Variants in SETD2 observed in about 807,000 individuals in gnomAD.
SETD2 encodes histone-lysine N-methyltransferase SETD2.
Under a neutral mutation model 242.1 loss-of-function variants are expected in SETD2, and 31 were observed. The observed-to-expected ratio is 0.13, with a 90% CI of 0.10 to 0.17. The LOEUF (loss-of-function observed/expected upper bound fraction) is 0.17. Among genes scored for constraint, SETD2 ranks in the 10% least tolerant of loss-of-function variants. The pLI, the probability that SETD2 is intolerant of heterozygous loss-of-function variation, is 1.00. For synonymous variants in SETD2, 1,006 were observed against 1,066.5 expected (o/e 0.94, Z 1.11); for missense variants, 2,481 against 3,046.3 (o/e 0.81, Z 4.37).
intron 18 of SETD2, among the ~76,000 whole-genome samples, chr3:47,030,368 AC>A (rs2107515717): frequency 6.6e-6 from 1 of 152,280 alleles, no homozygotes; most frequent in South Asian, 2.1e-4. Flanking sequence ...ATAGAGGCCA[AC>A]AGAAACCACG....
At chr3:47,149,471 T>C (rs756832784) in intron 1 of SETD2, among the ~76,000 whole-genome samples, 1 of 152,158 alleles carries the variant, frequency 6.6e-6, no homozygotes, top group Non-Finnish European at 1.5e-5. Context: ...ACACCTCTTA[T>C]AGCACTCAGC....
At chr3:47,054,880 T>TAC (rs969346830) in intron 15 of SETD2, among the ~76,000 whole-genome samples, 1 of 152,166 alleles carries the variant, frequency 6.6e-6, no homozygotes, top group Non-Finnish European at 1.5e-5. Context: ...TATGTATATG[T>TAC]ACACACACAC....
chr3:47,132,780 C>T (rs926346092), intron 1 of SETD2, among the ~76,000 whole-genome samples: 1 of 152,146 alleles, frequency 6.6e-6, no homozygotes, highest in Non-Finnish European at 1.5e-5. Context: ...GTGTTTCTTA[C>T]ACTTGAGTGT....
chr3:47,041,245 T>C, intron 17 of SETD2: 1 of 277,344 alleles, frequency 3.6e-6, no homozygotes, highest in Non-Finnish European at 7.4e-6. Flanking sequence ...CATAGACAAT[T>C]TGTAAGCAAA....
chr3:47,106,219 A>G (rs1342013410), intron 5 of SETD2, 99 bp from the exon 6 acceptor site: 1 of 997,794 alleles, frequency 1.0e-6, no homozygotes, highest in East Asian at 2.6e-5. Flanking sequence ...AAATACTGCA[A>G]TGTGGATAAA....
intron 15 of SETD2, among the ~76,000 whole-genome samples, chr3:47,055,828 C>T (rs1202384971): frequency 1.3e-5 from 2 of 151,300 alleles, no homozygotes; most frequent in Admixed American, 6.6e-5. Flanking sequence ...CTGGCTAACA[C>T]GGCGAAACCC....
intron 18 of SETD2, among the ~76,000 whole-genome samples, chr3:47,031,156 C>G (rs749932241): frequency 6.6e-6 from 1 of 152,204 alleles, no homozygotes; most frequent in African/African-American, 2.4e-5. Flanking sequence ...TGAAACTATT[C>G]TGTACGTTAC....
Position 47,128,341 on chromosome 3 carries a change from C to T in SETD2, c.72-1678G>A, listed in dbSNP as rs181545560. ...GCCACAAGTCTAGTGTACACTAGCA[C>T]ACCAACGCATACTGAGGGACTGTCT... On this transcript the variant is annotated intron_variant, in intron 1 of 20. Transcript: ENST00000409792. Among the ~76,000 whole-genome samples, 3 of 152,286 alleles carry T rather than the reference C, an allele frequency of 2.0e-5. No homozygotes were observed. The East Asian group carries it at 5.8e-4, about 29-fold the overall frequency.
intron 17 of SETD2, among the ~76,000 whole-genome samples, chr3:47,038,999 T>C (rs1480343549): frequency 6.6e-6 from 1 of 152,176 alleles, no homozygotes; most frequent in East Asian, 1.9e-4. Context: ...TGTATATACA[T>C]ATATATAGAC....
intron 8 of SETD2, chr3:47,098,355 G>A: frequency 3.9e-6 from 1 of 254,432 alleles, no homozygotes; most frequent in Non-Finnish European, 7.6e-6. Flanking sequence ...CTAGTAATAT[G>A]AAAATAAGAG....
chr3:47,134,614 G>A (rs973210305), intron 1 of SETD2, among the ~76,000 whole-genome samples: 4 of 152,046 alleles, frequency 2.6e-5, no homozygotes, highest in African/African-American at 9.7e-5. Flanking sequence ...ACACAACCAT[G>A]CTGATGGACT....
chr3:47,040,919 C>G (rs1157256053), intron 17 of SETD2, among the ~76,000 whole-genome samples: 1 of 152,124 alleles, frequency 6.6e-6, no homozygotes, highest in Non-Finnish European at 1.5e-5. Flanking sequence ...CAAATTGATA[C>G]AAACTATTGT....
At chr3:47,148,194 G>A (rs967320860) in intron 1 of SETD2, among the ~76,000 whole-genome samples, 1 of 151,840 alleles carries the variant, frequency 6.6e-6, no homozygotes, top group South Asian at 2.1e-4. Flanking sequence ...GCAGTGGCGC[G>A]ATCTCAGCTC....
intron 1 of SETD2, among the ~76,000 whole-genome samples, chr3:47,146,500 C>T (rs535302909): frequency 5.9e-5 from 9 of 151,914 alleles, no homozygotes; most frequent in South Asian, 2.1e-4. Flanking sequence ...TAGTGGTAGT[C>T]GCCTCTAATA....
intron 9 of SETD2, among the ~76,000 whole-genome samples, chr3:47,091,916 G>A (rs908184855): frequency 2.0e-5 from 3 of 152,098 alleles, no homozygotes; most frequent in African/African-American, 7.2e-5. Context: ...CAGCACTCCA[G>A]CCTGGGTGAC....
At chr3:47,091,135 T>C (rs2041787422) in intron 9 of SETD2, among the ~76,000 whole-genome samples, 1 of 152,216 alleles carries the variant, frequency 6.6e-6, no homozygotes, top group African/African-American at 2.4e-5. Flanking sequence ...AATTTAAAGT[T>C]GTCTTAATCC....
chr3:47,106,135 GA>G lies in SETD2; in HGVS notation c.4716-16del. On this transcript the variant is annotated splice_polypyrimidine_tract_variant and intron_variant, in intron 5 of 20. Transcript: ENST00000409792. ...CAAAGGTGTTCCTGCAAACCAAAAG[GA>G]AAAAAATAGCACTTCCTACCTAGGA... 1.2e-6 allele frequency: 2 copies of G among 1,603,334 alleles called. No individual in the cohort carries two copies. Among genetic ancestry groups the G allele is most frequent in the Non-Finnish European group, 1.7e-6 (2 of 1,174,356 alleles).
chr3:47,088,309 AC>A, intron 9 of SETD2, 62 bp from the exon 10 acceptor site: 1 of 1,537,102 alleles, frequency 6.5e-7, no homozygotes. Flanking sequence ...AAAACCAAAA[AC>A]CCAAAAAGTT....
intron 12 of SETD2, among the ~76,000 whole-genome samples, chr3:47,077,201 C>G (rs1343628612): frequency 6.6e-6 from 1 of 152,182 alleles, no homozygotes; most frequent in Non-Finnish European, 1.5e-5. Flanking sequence ...TCCCCCTCCT[C>G]AGCCTCCCGA....
Sources: gnomAD v4.1 joint callset for allele counts (sites outside exome capture counted in the v4.1 genomes callset) on GRCh38, gnomAD v4.1.1 for gene constraint, MANE v1.5 for transcripts, NCBI Gene and HGNC (gene_info 2026-07-23, HGNC 2026-07-21) for gene names.